IKZF2: variants seen among roughly 807,000 people sequenced by gnomAD.
The protein encoded by IKZF2 is zinc finger protein Helios.
Under a neutral mutation model 49.2 loss-of-function variants are expected in IKZF2, and 15 were observed. The observed-to-expected ratio is 0.30, with a 90% CI of 0.20 to 0.47. IKZF2 has a LOEUF of 0.47. Among genes scored for constraint, IKZF2 ranks in the 20% least tolerant of loss-of-function variants. The pLI, the probability that IKZF2 is intolerant of heterozygous loss-of-function variation, is 1.00. For missense variants in IKZF2, 567 were observed against 664.6 expected (o/e 0.85, Z 1.61); for synonymous variants, 227 against 221.4 (o/e 1.03, Z -0.23).
At chr2:213,048,142 T>C (rs938773358) in intron 6 of IKZF2, among the ~76,000 whole-genome samples, 3 of 152,074 alleles carry the variant, frequency 2.0e-5, no homozygotes, top group African/African-American at 7.2e-5. Context: ...CCCTCTCCAA[T>C]AGGGACTCCA....
intron 4 of IKZF2, among the ~76,000 whole-genome samples, chr2:213,146,034 A>G (rs1452052237): frequency 2.0e-5 from 3 of 152,100 alleles, no homozygotes; most frequent in African/African-American, 7.2e-5. Context: ...AAAGCAGCCA[A>G]TTAACCACTT....
At chr2:213,098,164 G>T (rs1169464638) in intron 4 of IKZF2, among the ~76,000 whole-genome samples, 2 of 152,012 alleles carry the variant, frequency 1.3e-5, no homozygotes, top group Non-Finnish European at 1.5e-5. Context: ...TATTAAATTG[G>T]TATGGGATGG....
chr2:213,118,440 A>G (rs909603051), intron 4 of IKZF2, among the ~76,000 whole-genome samples: 29 of 152,234 alleles, frequency 1.9e-4, no homozygotes, highest in African/African-American at 6.8e-4. Flanking sequence ...TGTGGTATTT[A>G]AAGACATTTG....
At chr2:213,065,446 T>G (rs1390013397) in intron 4 of IKZF2, among the ~76,000 whole-genome samples, 1 of 152,082 alleles carries the variant, frequency 6.6e-6, no homozygotes, top group Non-Finnish European at 1.5e-5. Flanking sequence ...GCTGCTGATT[T>G]ACGTATGATA....
At chr2:213,032,559 T>C (rs1698566005) in intron 6 of IKZF2, among the ~76,000 whole-genome samples, 1 of 151,864 alleles carries the variant, frequency 6.6e-6, no homozygotes, top group Non-Finnish European at 1.5e-5. Flanking sequence ...CATGATGAAA[T>C]CTCATCTCTA....
At chr2:213,117,760 T>C (rs1214426305) in intron 4 of IKZF2, among the ~76,000 whole-genome samples, 1 of 152,226 alleles carries the variant, frequency 6.6e-6, no homozygotes, top group African/African-American at 2.4e-5. Context: ...ATTTGTGATT[T>C]AAAATGTATT....
chr2:213,147,508 G>A (rs559755806), intron 4 of IKZF2, 200 bp downstream of exon 4: 2 of 671,486 alleles, frequency 3.0e-6, no homozygotes, highest in Non-Finnish European at 5.4e-6. Flanking sequence ...ATGCCACCTT[G>A]GGATAGTTCA....
At chr2:213,145,630 G>T (rs2061029858) in intron 4 of IKZF2, among the ~76,000 whole-genome samples, 3 of 151,970 alleles carry the variant, frequency 2.0e-5, no homozygotes, top group Admixed American at 1.3e-4. Context: ...TATTCTCCTA[G>T]ATCTAACAGA....
chr2:213,114,672 T>C (rs555232336), intron 4 of IKZF2, among the ~76,000 whole-genome samples: 321 of 152,136 alleles, frequency 2.1e-3, no homozygotes, highest in African/African-American at 7.4e-3. Flanking sequence ...GGTGGCTCAC[T>C]CCTATAATCC....
At position 213,000,667 on chromosome 2, in the gene IKZF2, C is replaced by G. The variant is rs1202333870; in HGVS notation, c.*6693G>C. On this transcript the variant is annotated 3_prime_UTR_variant, in exon 9 of 9. Coordinates refer to ENST00000434687, the MANE Select transcript of IKZF2 (RefSeq NM_001387220.1). ...TACTTAAATTTGTATGAAAACAGGACTGCTCCAAATATTTTTAAAAAAAAT... is the reference window on the plus strand; with the variant it reads ...TACTTAAATTTGTATGAAAACAGGAGTGCTCCAAATATTTTTAAAAAAAAT... The G allele has an allele frequency of 7.7e-6, 1 of 129,902 alleles. No homozygotes were observed. Among genetic ancestry groups the G allele is most frequent in the Non-Finnish European group, 1.7e-5 (1 of 58,486 alleles). 8.0% of individuals were successfully genotyped at this position (129,902 alleles called of 1,614,324 possible).
At chr2:213,045,285 C>A (rs1446715053) in intron 6 of IKZF2, among the ~76,000 whole-genome samples, 1 of 152,186 alleles carries the variant, frequency 6.6e-6, no homozygotes, top group Admixed American at 6.5e-5. Context: ...ATAATGCTAA[C>A]TGTAGATGCA....
intron 4 of IKZF2, 85 bp from the exon 5 acceptor site, chr2:213,057,184 C>G: frequency 8.5e-7 from 1 of 1,179,524 alleles, no homozygotes; most frequent in Admixed American, 2.5e-5. Flanking sequence ...TGTCATCCTA[C>G]TAAATGGATG....
At chr2:213,113,009 A>G (rs1180819568) in intron 4 of IKZF2, among the ~76,000 whole-genome samples, 2 of 152,180 alleles carry the variant, frequency 1.3e-5, no homozygotes, top group African/African-American at 4.8e-5. Context: ...TCCCCAAAAT[A>G]CAAAAACTGT....
intron 4 of IKZF2, among the ~76,000 whole-genome samples, chr2:213,109,792 A>G (rs2059642815): frequency 6.6e-6 from 1 of 152,032 alleles, no homozygotes; most frequent in African/African-American, 2.4e-5. Flanking sequence ...AATTTTAAAT[A>G]ATATTATCAT....
intron 4 of IKZF2, among the ~76,000 whole-genome samples, chr2:213,116,682 T>C (rs2059887128): frequency 6.6e-6 from 1 of 152,176 alleles, no homozygotes; most frequent in Non-Finnish European, 1.5e-5. Flanking sequence ...AAGTTGACAC[T>C]GAGCCATGAT....
intron 4 of IKZF2, among the ~76,000 whole-genome samples, chr2:213,082,977 C>T (rs1485660386): frequency 6.6e-6 from 1 of 152,114 alleles, no homozygotes; most frequent in East Asian, 1.9e-4. Context: ...TCCAGAAAAG[C>T]ATTTTATATT....
intron 4 of IKZF2, among the ~76,000 whole-genome samples, chr2:213,106,371 G>A (rs1053281601): frequency 2.6e-5 from 4 of 152,096 alleles, no homozygotes; most frequent in African/African-American, 9.6e-5. Context: ...AGGCACAATG[G>A]TTCACGTCTA....
chr2:213,013,074 A>G (rs890390621), intron 8 of IKZF2, among the ~76,000 whole-genome samples: 2 of 152,030 alleles, frequency 1.3e-5, no homozygotes, highest in African/African-American at 4.8e-5. Flanking sequence ...TGAAAAGGGA[A>G]AGTCTAAATA....
At chr2:213,081,496 A>C (rs192084893) in intron 4 of IKZF2, among the ~76,000 whole-genome samples, 43 of 152,266 alleles carry the variant, frequency 2.8e-4, no homozygotes, top group Non-Finnish European at 5.9e-5. Context: ...GAGTACACTA[A>C]TAGATGTGTG....
Sources: allele counts gnomAD v4.1 joint callset (sites outside exome capture counted in the v4.1 genomes callset), GRCh38; gene constraint gnomAD v4.1.1; transcripts MANE v1.5; gene names NCBI Gene and HGNC (gene_info 2026-07-23, HGNC 2026-07-21).